CCDC18: variants seen among roughly 807,000 people sequenced by gnomAD.
CCDC18 encodes the protein coiled-coil domain containing 18.
In CCDC18, 157 loss-of-function variants were observed where a neutral mutation model predicts 196.0. That is an observed-to-expected ratio of 0.80 (90% CI 0.70 to 0.91). The LOEUF is 0.91. Among genes scored for constraint, CCDC18 ranks in the 40% least tolerant of loss-of-function variants. The pLI is 0.00. For missense variants in CCDC18, 1,465 were observed against 1,611.6 expected (o/e 0.91, Z 1.56); for synonymous variants, 482 against 529.2 (o/e 0.91, Z 1.22).
At chr1:93,266,648 A>G (rs1324114772) in intron 27 of CCDC18, among the ~76,000 whole-genome samples, 1 of 152,240 alleles carries the variant, frequency 6.6e-6, no homozygotes, top group Non-Finnish European at 1.5e-5. Context: ...AACTACCATC[A>G]GAGAATACTA....
At chr1:93,243,060 T>C (rs1661032646) in intron 21 of CCDC18, among the ~76,000 whole-genome samples, 1 of 152,208 alleles carries the variant, frequency 6.6e-6, no homozygotes, top group South Asian at 2.1e-4. Context: ...GCCCTCCCTC[T>C]TCTCACAGCT....
chr1:93,253,886 C>T (rs1265319616), intron 23 of CCDC18, among the ~76,000 whole-genome samples: 8 of 152,170 alleles, frequency 5.3e-5, no homozygotes, highest in African/African-American at 1.4e-4. Context: ...CCCACATCTT[C>T]GTCTCTACCA....
chr1:93,271,001 T>A (rs1023631844), intron 28 of CCDC18, 187 bp downstream of exon 28: 1 of 983,402 alleles, frequency 1.0e-6, no homozygotes, highest in Non-Finnish European at 1.2e-6. Context: ...TGTGAGACAA[T>A]ACGGGGAAAG....
At chr1:93,184,991 G>A (rs1032633087) in intron 3 of CCDC18, among the ~76,000 whole-genome samples, 1 of 151,652 alleles carries the variant, frequency 6.6e-6, no homozygotes, top group African/African-American at 2.4e-5. Context: ...TGATAATGCC[G>A]ATCAAAGACA....
chr1:93,246,966 T>C lies in CCDC18; in HGVS notation c.3198+12T>C. 9.7e-7 allele frequency: 1 copy of C among 1,026,670 alleles called. No homozygotes were observed. Among genetic ancestry groups the C allele is most frequent in the Non-Finnish European group, 1.5e-6 (1 of 681,698 alleles). 63.6% of individuals were successfully genotyped at this position (1,026,670 alleles called of 1,614,324 possible). A position where few individuals can be genotyped will look rare whatever the true frequency, so the allele number is the denominator to read the frequency against. On this transcript the variant is annotated intron_variant, in intron 23 of 28. Coordinates refer to ENST00000690025, the MANE Select transcript of CCDC18 (RefSeq NM_001378204.1). Reference sequence around the variant, plus strand: ...AATGTAACAAACAGGTAAATTATTTTAAAATTACGTATTTTAAATTATTTT... The same window carrying C: ...AATGTAACAAACAGGTAAATTATTTCAAAATTACGTATTTTAAATTATTTT...
At chr1:93,253,669 T>C (rs574478775) in intron 23 of CCDC18, among the ~76,000 whole-genome samples, 1 of 152,350 alleles carries the variant, frequency 6.6e-6, no homozygotes, top group African/African-American at 2.4e-5. Context: ...GAGACTGATG[T>C]CAGCAGGGAG....
At chr1:93,217,691 G>C (rs1656733418) in intron 13 of CCDC18, 47 bp from the exon 14 acceptor site, 1 of 1,511,766 alleles carries the variant, frequency 6.6e-7, no homozygotes, top group South Asian at 1.3e-5. Flanking sequence ...TGCCTGCCTT[G>C]GCCTCCCAAA....
intron 7 of CCDC18, 80 bp downstream of exon 7, chr1:93,202,068 G>A (rs1653927618): frequency 2.8e-6 from 2 of 718,792 alleles, no homozygotes; most frequent in Non-Finnish European, 4.5e-6. Flanking sequence ...ATTAAAATAT[G>A]TTTATGGTTG....
At chr1:93,202,286 G>A (rs553803799) in intron 7 of CCDC18, among the ~76,000 whole-genome samples, 7 of 152,116 alleles carry the variant, frequency 4.6e-5, no homozygotes, top group African/African-American at 1.4e-4. Flanking sequence ...GTAGAAAAAA[G>A]AAATTCATTT....
intron 28 of CCDC18, among the ~76,000 whole-genome samples, chr1:93,275,651 T>A (rs1436530511): frequency 1.3e-5 from 2 of 152,212 alleles, no homozygotes; most frequent in Non-Finnish European, 2.9e-5. Flanking sequence ...CCCAGTTACT[T>A]AAATCTACTC....
chr1:93,193,171 T>A (rs551632985), intron 5 of CCDC18, among the ~76,000 whole-genome samples: 49 of 152,264 alleles, frequency 3.2e-4, no homozygotes, highest in African/African-American at 1.1e-3. Context: ...ATAAAAAAAA[T>A]TTTGTTTCTG....
upstream of CCDC18, chr1:93,180,472 G>A: frequency 6.8e-7 from 1 of 1,463,614 alleles, no homozygotes; most frequent in Non-Finnish European, 9.2e-7. Flanking sequence ...CTCAGTCTCG[G>A]CCCCCTCAGG....
At chr1:93,196,784 C>G (rs1652803527) in intron 6 of CCDC18, among the ~76,000 whole-genome samples, 1 of 152,156 alleles carries the variant, frequency 6.6e-6, no homozygotes, top group Non-Finnish European at 1.5e-5. Context: ...CCTCACTATG[C>G]TAGAAAGCAT....
intron 4 of CCDC18, among the ~76,000 whole-genome samples, chr1:93,189,635 T>C (rs948906570): frequency 6.6e-6 from 1 of 152,194 alleles, no homozygotes; most frequent in Non-Finnish European, 1.5e-5. Context: ...AAACATTTGT[T>C]ATTACCTGTC....
intron 23 of CCDC18, among the ~76,000 whole-genome samples, chr1:93,252,889 A>G (rs1662453257): frequency 6.6e-6 from 1 of 152,226 alleles, no homozygotes; most frequent in South Asian, 2.1e-4. Flanking sequence ...CAAGGGCTTC[A>G]AGGTTGACAT....
At chr1:93,213,009 A>G (rs769316016) in intron 11 of CCDC18, among the ~76,000 whole-genome samples, 6 of 152,156 alleles carry the variant, frequency 3.9e-5, no homozygotes, top group Non-Finnish European at 8.8e-5. Flanking sequence ...AGGAGTGAGC[A>G]GTCTAGATCC....
At chr1:93,184,395 CTT>C (rs1194405785) in intron 3 of CCDC18, among the ~76,000 whole-genome samples, 1 of 151,538 alleles carries the variant, frequency 6.6e-6, no homozygotes, top group Non-Finnish European at 1.5e-5. Context: ...TATTTATTAC[CTT>C]TTTGCAGTTA....
At chr1:93,257,786 C>G (rs1256641681) in intron 25 of CCDC18, among the ~76,000 whole-genome samples, 1 of 152,048 alleles carries the variant, frequency 6.6e-6, no homozygotes, top group East Asian at 1.9e-4. Flanking sequence ...AAGCTAAGCT[C>G]ACTTTAAAAA....
intron 17 of CCDC18, among the ~76,000 whole-genome samples, chr1:93,228,509 A>G (rs983910001): frequency 1.2e-5 from 1 of 83,682 alleles, no homozygotes; most frequent in African/African-American, 1.1e-4. Context: ...TAGAAGTTTA[A>G]AAAAAAAAAA....
Sources: allele counts gnomAD v4.1 joint callset (sites outside exome capture counted in the v4.1 genomes callset), GRCh38; gene constraint gnomAD v4.1.1; transcripts MANE v1.5; gene names NCBI Gene and HGNC (gene_info 2026-07-23, HGNC 2026-07-21).